The following FXYD6 variants were observed in gnomAD, a reference collection of about 807,000 sequenced individuals.
FXYD6 encodes FXYD domain-containing ion transport regulator 6.
FXYD6 carries 7 observed loss-of-function variants against 16.7 expected under a neutral mutation model. The ratio of observed to expected loss-of-function variants is 0.42; its 90% CI spans 0.24 to 0.79. FXYD6 has a LOEUF of 0.79. Ranked by LOEUF, FXYD6 falls within the 30% of genes least tolerant of loss-of-function variation. The pLI is 0.28. For missense variants in FXYD6, 111 were observed against 116.2 expected, an observed-to-expected ratio of 0.95 and a Z score of 0.21; for synonymous variants, 49 against 43.0, an observed-to-expected ratio of 1.14 and a Z score of -0.54.
intron 1 of FXYD6, among the ~76,000 whole-genome samples, chr11:117,862,076 A>T (rs1352051354): frequency 6.6e-6 from 1 of 152,230 alleles, no homozygotes; most frequent in Non-Finnish European, 1.5e-5. Context: ...CCGGAGGAGG[A>T]GAAACTGAAA....
intron 1 of FXYD6, among the ~76,000 whole-genome samples, chr11:117,849,854 T>A (rs1356083886): frequency 2.0e-5 from 3 of 152,132 alleles, no homozygotes; most frequent in Non-Finnish European, 4.4e-5. Flanking sequence ...AATGGTTACT[T>A]CAGTTGTTTT....
intron 1 of FXYD6, among the ~76,000 whole-genome samples, chr11:117,853,489 T>C (rs2056652926): frequency 6.6e-6 from 1 of 152,010 alleles, no homozygotes; most frequent in Non-Finnish European, 1.5e-5. Flanking sequence ...ACTCCAGTGC[T>C]AGTTTTTGTT....
Position 117,838,162 on chromosome 11 carries a change from G to C in FXYD6, c.*137C>G. On this transcript the variant is annotated 3_prime_UTR_variant, in exon 8 of 8. Transcript: ENST00000526014. ...AATGGTGTTAGAGGGGATAGGGTGG[G>C]GGACACACAAGTTCTTGGCTTCTCC... 1.4e-6 allele frequency: 1 copy of C among 701,510 alleles called. No individual in the cohort carries two copies. The allele number at this position is 701,510 out of a possible 1,614,324, so 43.5% of individuals were successfully genotyped here.
chr11:117,862,765 G>C (rs2056936424), intron 1 of FXYD6, among the ~76,000 whole-genome samples: 1 of 152,194 alleles, frequency 6.6e-6, no homozygotes, highest in African/African-American at 2.4e-5. Context: ...CTGTTCCTAA[G>C]ATGGCCCTGT....
chr11:117,860,997 T>C (rs1015163199), intron 1 of FXYD6, among the ~76,000 whole-genome samples: 2 of 152,136 alleles, frequency 1.3e-5, no homozygotes, highest in African/African-American at 4.8e-5. Context: ...GGGTCCTTGC[T>C]CTGAGCACTC....
intron 1 of FXYD6, among the ~76,000 whole-genome samples, chr11:117,845,510 T>C (rs56896818): frequency 0.011 from 1,690 of 152,352 alleles, 30 homozygotes; most frequent in African/African-American, 0.039. Flanking sequence ...TCCGACATTA[T>C]GCTTCTGTGG....
intron 1 of FXYD6, among the ~76,000 whole-genome samples, chr11:117,856,387 T>C (rs1009504983): frequency 6.6e-6 from 1 of 152,002 alleles, no homozygotes; most frequent in Non-Finnish European, 1.5e-5. Context: ...TCCTCATCCC[T>C]CCCTCCCCCT....
chr11:117,844,252 T>G (rs192008136), intron 1 of FXYD6: 2 of 152,518 alleles, frequency 1.3e-5, no homozygotes, highest in Admixed American at 1.3e-4. Context: ...TTGCTTTCAA[T>G]GCTGTCTCAT....
chr11:117,846,620 G>C (rs147380441), intron 1 of FXYD6, among the ~76,000 whole-genome samples: 1 of 152,216 alleles, frequency 6.6e-6, no homozygotes, highest in Non-Finnish European at 1.5e-5. Flanking sequence ...TCCAGGGGCA[G>C]ACTGCCTCCC....
At chr11:117,856,394 C>G (rs1460177286) in intron 1 of FXYD6, among the ~76,000 whole-genome samples, 1 of 152,152 alleles carries the variant, frequency 6.6e-6, no homozygotes, top group African/African-American at 2.4e-5. Flanking sequence ...CCCTCCCTCC[C>G]CCTGCTCCCG....
chr11:117,855,409 T>C (rs1261731876), intron 1 of FXYD6, among the ~76,000 whole-genome samples: 5 of 152,122 alleles, frequency 3.3e-5, no homozygotes, highest in Admixed American at 2.0e-4. Context: ...GCACTGCCCC[T>C]GAGTCGAGTG....
intron 1 of FXYD6, among the ~76,000 whole-genome samples, chr11:117,873,529 A>T (rs2057185225): frequency 6.6e-6 from 1 of 152,188 alleles, no homozygotes; most frequent in South Asian, 2.1e-4. Context: ...GCTCAGGGGG[A>T]GAGCTGGGGC....
At chr11:117,873,313 T>A (rs2057179801) in intron 1 of FXYD6, among the ~76,000 whole-genome samples, 1 of 152,202 alleles carries the variant, frequency 6.6e-6, no homozygotes, top group African/African-American at 2.4e-5. Flanking sequence ...GATTGTATAA[T>A]CCACACAAAT....
chr11:117,840,402 G>T, intron 5 of FXYD6, 34 bp from the exon 6 acceptor site: 1 of 1,614,036 alleles, frequency 6.2e-7, no homozygotes. Flanking sequence ...CCCCATCAGA[G>T]ATCTCCAGGG....
chr11:117,858,468 C>G (rs1012427320), intron 1 of FXYD6, among the ~76,000 whole-genome samples: 2 of 152,062 alleles, frequency 1.3e-5, no homozygotes, highest in African/African-American at 4.8e-5. Context: ...ATGTAACCAC[C>G]AGCTTGGAAA....
At chr11:117,861,287 G>A (rs1327042123) in intron 1 of FXYD6, among the ~76,000 whole-genome samples, 1 of 152,168 alleles carries the variant, frequency 6.6e-6, no homozygotes, top group Non-Finnish European at 1.5e-5. Context: ...GACATGGTAG[G>A]AAAGACCTCA....
rs66790457 is a variant in FXYD6 at position 117,857,410 on chromosome 11, A to ATTTT, written c.-5-14633_-5-14630dup. On this transcript the variant is annotated intron_variant, in intron 1 of 7. Transcript: ENST00000526014. ...GTCAGATGTATTGGGAAAGAAGTGG[A>ATTTT]TTTTTTTTTTTTTTTTTGAGAAGGA... Among the ~76,000 whole-genome samples the ATTTT allele has an allele frequency of 2.5e-3, 349 of 138,408 alleles. 7 individuals carry two copies. The highest frequency in any genetic ancestry group is 7.8e-3 in the African/African-American group (287 of 36,828). The allele number at this position is 138,408 out of a possible 152,430, so 90.8% of individuals were successfully genotyped here.
At chr11:117,857,878 G>A (rs1228649692) in intron 1 of FXYD6, among the ~76,000 whole-genome samples, 1 of 152,134 alleles carries the variant, frequency 6.6e-6, no homozygotes, top group Non-Finnish European at 1.5e-5. Flanking sequence ...AAAGGGCCAT[G>A]CCTGCACAAT....
chr11:117,861,840 C>T (rs2056913571), intron 1 of FXYD6, among the ~76,000 whole-genome samples: 1 of 152,232 alleles, frequency 6.6e-6, no homozygotes, highest in African/African-American at 2.4e-5. Flanking sequence ...GTGGAGGGGC[C>T]TCGGCCCACA....
Sources: gnomAD v4.1 joint callset for allele counts (sites outside exome capture counted in the v4.1 genomes callset) on GRCh38, gnomAD v4.1.1 for gene constraint, MANE v1.5 for transcripts, NCBI Gene and HGNC (gene_info 2026-07-23, HGNC 2026-07-21) for gene names.